Variants in COPZ1 observed in about 807,000 individuals in gnomAD.
COPZ1 encodes the protein coatomer subunit zeta-1.
COPZ1 carries 4 observed loss-of-function variants against 31.7 expected under a neutral mutation model. The observed-to-expected ratio is 0.13, with a 90% CI of 0.06 to 0.29. The LOEUF is 0.29. COPZ1 is among the 10% of genes least tolerant of loss of function. The pLI, the probability that COPZ1 is intolerant of heterozygous loss-of-function variation, is 1.00. For synonymous variants in COPZ1, 74 were observed against 79.0 expected (o/e 0.94, Z 0.33); for missense variants, 156 against 211.5 (o/e 0.74, Z 1.63).
chr12:54,328,117 A>C (rs1172486088), intron 1 of COPZ1, among the ~76,000 whole-genome samples: 1 of 151,312 alleles, frequency 6.6e-6, no homozygotes, highest in African/African-American at 2.4e-5. Flanking sequence ...TACTAAAAAT[A>C]CAAAAAAAAA....
At chr12:54,326,620 C>A (rs116221794) in intron 1 of COPZ1, among the ~76,000 whole-genome samples, 45 of 141,542 alleles carry the variant, frequency 3.2e-4, no homozygotes, top group African/African-American at 1.1e-3. Flanking sequence ...TCAAAAGTGC[C>A]CTATTTTGCG....
At chr12:54,337,448 G>A in intron 1 of COPZ1, 1 of 342,440 alleles carries the variant, frequency 2.9e-6, no homozygotes, top group East Asian at 8.3e-5. Context: ...CCATTGTCCT[G>A]GAAGCCCATT....
intron 2 of COPZ1, among the ~76,000 whole-genome samples, chr12:54,340,881 A>AG: frequency 6.6e-6 from 1 of 152,120 alleles, no homozygotes; most frequent in African/African-American, 2.4e-5. Context: ...TTGTATCTTT[A>AG]GTAGAGACAG....
intron 1 of COPZ1, among the ~76,000 whole-genome samples, chr12:54,331,505 C>G (rs901333439): frequency 2.6e-5 from 4 of 152,034 alleles, no homozygotes; most frequent in African/African-American, 9.7e-5. Flanking sequence ...ATGCAGATAT[C>G]CCATCCATAG....
intron 5 of COPZ1, among the ~76,000 whole-genome samples, chr12:54,345,829 C>T (rs941572501): frequency 1.3e-5 from 2 of 151,708 alleles, no homozygotes; most frequent in Admixed American, 6.6e-5. Context: ...TGGTAGCGGG[C>T]GCCTGTAGTC....
chr12:54,348,152 C>A, intron 7 of COPZ1, 101 bp downstream of exon 7: 1 of 950,610 alleles, frequency 1.1e-6, no homozygotes, highest in Non-Finnish European at 1.7e-6. Flanking sequence ...TCATAGGATA[C>A]ATACAACCTT....
chr12:54,339,360 CAATT>C (rs1320992870), intron 1 of COPZ1, among the ~76,000 whole-genome samples: 2 of 151,672 alleles, frequency 1.3e-5, no homozygotes, highest in African/African-American at 2.4e-5. Context: ...TCTATTCAAT[CAATT>C]AGAGATGGGG....
intron 7 of COPZ1, among the ~76,000 whole-genome samples, chr12:54,348,715 C>T (rs183005666): frequency 0.011 from 1,701 of 151,652 alleles, 42 homozygotes; most frequent in African/African-American, 0.039. Context: ...CCAGCCTGGG[C>T]GACAGAGTGA....
chr12:54,328,041 G>A (rs1953685815), intron 1 of COPZ1, among the ~76,000 whole-genome samples: 1 of 152,114 alleles, frequency 6.6e-6, no homozygotes, highest in Non-Finnish European at 1.5e-5. Flanking sequence ...GGGAGGCTGA[G>A]GTGGGCGGAT....
intron 2 of COPZ1, 119 bp downstream of exon 2, chr12:54,340,734 C>A: frequency 2.7e-6 from 3 of 1,098,504 alleles, no homozygotes; most frequent in East Asian, 2.6e-5. Context: ...GAGAATACTT[C>A]CATCTTTTTT....
chr12:54,335,332 T>G (rs1953839833), intron 1 of COPZ1, among the ~76,000 whole-genome samples: 1 of 152,142 alleles, frequency 6.6e-6, no homozygotes, highest in South Asian at 2.1e-4. Flanking sequence ...AGAATCTTGT[T>G]ACAGTTTTTA....
intron 1 of COPZ1, among the ~76,000 whole-genome samples, chr12:54,338,875 G>A (rs1310214753): frequency 1.3e-5 from 2 of 152,114 alleles, no homozygotes; most frequent in East Asian, 1.9e-4. Context: ...CTCTGCCCCC[G>A]CAAACAGGGT....
chr12:54,341,230 G>C (rs920565905), intron 2 of COPZ1, among the ~76,000 whole-genome samples: 1 of 152,064 alleles, frequency 6.6e-6, no homozygotes, highest in African/African-American at 2.4e-5. Context: ...ATGTCACCCT[G>C]CCTGGGTTTT....
chr12:54,345,107 C>T (rs532648835), intron 4 of COPZ1: 8 of 194,994 alleles, frequency 4.1e-5, no homozygotes, highest in South Asian at 3.9e-4. Context: ...GCTTTTTACA[C>T]TAACTCTGAA....
chr12:54,331,059 CTT>C (rs1953741963), intron 1 of COPZ1, among the ~76,000 whole-genome samples: 1 of 151,984 alleles, frequency 6.6e-6, no homozygotes, highest in Non-Finnish European at 1.5e-5. Context: ...TGTGTCACCT[CTT>C]CTGGTGTTTG....
At chr12:54,339,208 G>A (rs1010933848) in intron 1 of COPZ1, among the ~76,000 whole-genome samples, 1 of 148,978 alleles carries the variant, frequency 6.7e-6, no homozygotes, top group Non-Finnish European at 1.5e-5. Context: ...GATTGTTTGA[G>A]CCTAGGAGTT....
chr12:54,349,667 C>A lies in COPZ1; in HGVS notation c.486+9C>A, dbSNP rs1191597323. ...AGCAGACCGTGTCTCAGGTATGACT[C>A]TCCCTTCTTCCTTTCCAGATGGACT... On this transcript the variant is annotated intron_variant, in intron 8 of 8. Coordinates refer to ENST00000262061, the MANE Select transcript of COPZ1 (RefSeq NM_016057.3). 4 of 1,606,226 alleles carry A rather than the reference C, an allele frequency of 2.5e-6. No individual in the cohort carries two copies. Among genetic ancestry groups the A allele is most frequent in the Non-Finnish European group, 3.4e-6 (4 of 1,172,762 alleles).
intron 3 of COPZ1, among the ~76,000 whole-genome samples, chr12:54,342,853 CTTTTTTTTTTTT>C (rs11321130): frequency 1.1e-5 from 1 of 94,620 alleles, no homozygotes; most frequent in Non-Finnish European, 2.0e-5. Flanking sequence ...GTAACGCCTT[CTTTTTTTTTTTT>C]TTTTTTTTTG....
chr12:54,344,857 A>T (rs537622368), intron 4 of COPZ1: 16 of 151,906 alleles, frequency 1.1e-4, no homozygotes, highest in African/African-American at 3.6e-4. Context: ...GGCTCAAGTG[A>T]TTCTACCACC....
Sources: allele counts gnomAD v4.1 joint callset (sites outside exome capture counted in the v4.1 genomes callset), GRCh38; gene constraint gnomAD v4.1.1; transcripts MANE v1.5; gene names NCBI Gene and HGNC (gene_info 2026-07-23, HGNC 2026-07-21).